Variants in NR5A2 observed in about 807,000 individuals in gnomAD.
The protein encoded by NR5A2 is CYP7A promoter-binding factor.
In NR5A2, 26 loss-of-function variants were observed where a neutral mutation model predicts 62.7. The observed-to-expected ratio is 0.41, with a 90% CI of 0.30 to 0.58. The LOEUF is 0.58. Ranked by LOEUF, NR5A2 falls within the 20% of genes least tolerant of loss-of-function variation. The pLI is 0.22. For synonymous variants in NR5A2, 246 were observed against 241.7 expected, an observed-to-expected ratio of 1.02 and a Z score of -0.16; for missense variants, 541 against 669.1, an observed-to-expected ratio of 0.81 and a Z score of 2.11.
rs548519982 is a variant in NR5A2 at position 200,043,959 on chromosome 1, C to T, written c.321+67C>T. 1.2e-4 allele frequency: 119 copies of T among 1,022,880 alleles called. No individual in the cohort carries two copies. In the South Asian group the frequency reaches 1.6e-3, roughly 14 times the overall value. The allele number at this position is 1,022,880 out of a possible 1,614,324, so 63.4% of individuals were successfully genotyped here. ...ACCAAAATAAACCAGTGGATTACTTCTTTTAAGCTAAATTTAGGCTCCTTT... is the reference window on the plus strand; with the variant it reads ...ACCAAAATAAACCAGTGGATTACTTTTTTTAAGCTAAATTTAGGCTCCTTT... On this transcript the variant is annotated intron_variant, in intron 3 of 7. Coordinates refer to ENST00000367362, the MANE Select transcript of NR5A2 (RefSeq NM_205860.3).
At chr1:200,078,475 A>G (rs16845892) in intron 5 of NR5A2, among the ~76,000 whole-genome samples, 1,971 of 152,320 alleles carry the variant, frequency 0.013, 41 homozygotes, top group African/African-American at 0.044. Flanking sequence ...AGTCTTGTTC[A>G]TTTTCTAGAC....
rs571810730 is a variant in NR5A2, at chr1:200,092,691, A to ATCAGTTAG, written c.1111-18506_1111-18499dup. 5.3e-3 allele frequency among the ~76,000 whole-genome samples: 756 copies of ATCAGTTAG among 143,732 alleles called. 9 individuals carry two copies. Among genetic ancestry groups the ATCAGTTAG allele is most frequent in the African/African-American group, 0.02 (729 of 37,154 alleles). The allele number at this position is 143,732 out of a possible 152,430, so 94.3% of individuals were successfully genotyped here. A position where few individuals can be genotyped will look rare whatever the true frequency, so the allele number is the denominator to read the frequency against. On this transcript the variant is annotated intron_variant, in intron 5 of 7. Coordinates refer to ENST00000367362, the MANE Select transcript of NR5A2 (RefSeq NM_205860.3). ...TGGTGTTAGGCTCTTGTGCTGGTATATCAGTTAGTCAGAAAAAAAAAAGGT... is the reference window on the plus strand; with the variant it reads ...TGGTGTTAGGCTCTTGTGCTGGTATATCAGTTAGTCAGTTAGTCAGAAAAAAAAAAGGT...
At chr1:200,169,308 C>T (rs1376563939) in intron 7 of NR5A2, among the ~76,000 whole-genome samples, 1 of 151,986 alleles carries the variant, frequency 6.6e-6, no homozygotes, top group Non-Finnish European at 1.5e-5. Context: ...GGAATTTTTT[C>T]CCACTTTTGA....
chr1:200,031,068 T>C (rs1317634139), intron 1 of NR5A2, among the ~76,000 whole-genome samples: 1 of 152,232 alleles, frequency 6.6e-6, no homozygotes, highest in Non-Finnish European at 1.5e-5. Context: ...CTGATTCTCA[T>C]AGTTGGGGCT....
chr1:200,130,563 A>G (rs1558157205), intron 7 of NR5A2, among the ~76,000 whole-genome samples: 1 of 152,222 alleles, frequency 6.6e-6, no homozygotes, highest in African/African-American at 2.4e-5. Context: ...AAAACTAGTA[A>G]AAAATGTCCA....
chr1:200,163,305 A>G (rs1653734021), intron 7 of NR5A2, among the ~76,000 whole-genome samples: 1 of 151,322 alleles, frequency 6.6e-6, no homozygotes, highest in Non-Finnish European at 1.5e-5. Flanking sequence ...AGAAAAAAAG[A>G]AAAATGTTGG....
intron 7 of NR5A2, among the ~76,000 whole-genome samples, chr1:200,128,423 A>G (rs1386326230): frequency 6.6e-6 from 1 of 152,140 alleles, no homozygotes; most frequent in Non-Finnish European, 1.5e-5. Context: ...CTCTTTCTTA[A>G]AGACTTCCTC....
chr1:200,077,079 T>C (rs567695852), intron 5 of NR5A2, among the ~76,000 whole-genome samples: 142 of 152,364 alleles, frequency 9.3e-4, no homozygotes, highest in African/African-American at 3.3e-3. Flanking sequence ...TTTAGTGCCG[T>C]TTTTATAAAA....
At chr1:200,078,869 T>C (rs1255138488) in intron 5 of NR5A2, among the ~76,000 whole-genome samples, 1 of 152,204 alleles carries the variant, frequency 6.6e-6, no homozygotes, top group East Asian at 1.9e-4. Context: ...AGTAAAACTT[T>C]CCTTTTACCT....
intron 1 of NR5A2, 134 bp downstream of exon 1, chr1:200,028,045 A>C: frequency 1.9e-6 from 1 of 522,496 alleles, no homozygotes; most frequent in Non-Finnish European, 3.3e-6. Context: ...CAATAAGCCT[A>C]TGTATATATA....
At chr1:200,173,840 C>A in intron 7 of NR5A2, 123 bp from the exon 8 acceptor site, 1 of 997,774 alleles carries the variant, frequency 1.0e-6, no homozygotes, top group Non-Finnish European at 1.4e-6. Context: ...GAATATTCAG[C>A]AGCATGTAAA....
At chr1:200,073,878 C>T (rs1318788767) in intron 5 of NR5A2, among the ~76,000 whole-genome samples, 2 of 152,126 alleles carry the variant, frequency 1.3e-5, no homozygotes, top group Non-Finnish European at 2.9e-5. Context: ...GGGAGACAGA[C>T]TTTTGAACCT....
At chr1:200,042,821 G>A (rs1361066730) in intron 2 of NR5A2, 1 of 985,458 alleles carries the variant, frequency 1.0e-6, no homozygotes, top group Admixed American at 6.1e-5. Flanking sequence ...TGCCCTTCCT[G>A]TGCATAGTTT....
At chr1:200,111,399 C>A in intron 6 of NR5A2, 78 bp downstream of exon 6, 1 of 1,483,274 alleles carries the variant, frequency 6.7e-7, no homozygotes, top group South Asian at 1.3e-5. Context: ...TTAACTAGGT[C>A]AGAAGCACTC....
At chr1:200,138,606 GGGAGATCTAGTTTTTATT>G (rs1254981763) in intron 7 of NR5A2, among the ~76,000 whole-genome samples, 3 of 152,002 alleles carry the variant, frequency 2.0e-5, no homozygotes, top group Non-Finnish European at 4.4e-5. Context: ...TGGTGTGAGG[GGGAGATCTAGTTTTTATT>G]TTATTTTTCT....
chr1:200,032,045 CA>C (rs1276823703), intron 1 of NR5A2, among the ~76,000 whole-genome samples: 3 of 152,180 alleles, frequency 2.0e-5, no homozygotes, highest in Admixed American at 2.0e-4. Context: ...GGCACATTGT[CA>C]GACTTCCACC....
At chr1:200,107,402 C>CAT (rs903608008) in intron 5 of NR5A2, among the ~76,000 whole-genome samples, 2 of 150,932 alleles carry the variant, frequency 1.3e-5, no homozygotes. Flanking sequence ...AGCAAACAAT[C>CAT]ATAATACTTT....
chr1:200,148,941 T>C (rs1667858018), intron 7 of NR5A2, among the ~76,000 whole-genome samples: 1 of 146,556 alleles, frequency 6.8e-6, no homozygotes, highest in Non-Finnish European at 1.5e-5. Context: ...TGAAACCAAG[T>C]CTCGCTCTGT....
intron 7 of NR5A2, among the ~76,000 whole-genome samples, chr1:200,132,986 A>T (rs889028749): frequency 6.6e-6 from 1 of 152,178 alleles, no homozygotes; most frequent in African/African-American, 2.4e-5. Flanking sequence ...ATTTAAGCTA[A>T]TGGAGGTTAA....
Sources: gnomAD v4.1 joint callset for allele counts (sites outside exome capture counted in the v4.1 genomes callset) on GRCh38, gnomAD v4.1.1 for gene constraint, MANE v1.5 for transcripts, NCBI Gene and HGNC (gene_info 2026-07-23, HGNC 2026-07-21) for gene names.